MDGA2: variants seen among roughly 807,000 people sequenced by gnomAD.
MDGA2 encodes the protein MAM domain containing glycosylphosphatidylinositol anchor 2.
Under a neutral mutation model 117.8 loss-of-function variants are expected in MDGA2, and 40 were observed. That is an observed-to-expected ratio of 0.34 (90% confidence interval 0.26 to 0.44). MDGA2 has a LOEUF of 0.44. MDGA2 is among the 20% of genes least tolerant of loss of function. The probability of loss-of-function intolerance (pLI) is 1.00; values close to 1 mark genes in which losing one functional copy is unlikely to be tolerated. For missense variants in MDGA2, 1,123 were observed against 1,250.6 expected, an observed-to-expected ratio of 0.90 and a Z score of 1.54; for synonymous variants, 452 against 439.0, an observed-to-expected ratio of 1.03 and a Z score of -0.37.
At chr14:46,845,163 G>T (rs1880781354) in intron 16 of MDGA2, among the ~76,000 whole-genome samples, 1 of 152,148 alleles carries the variant, frequency 6.6e-6, no homozygotes, top group Admixed American at 6.5e-5. Context: ...GATTACAGGC[G>T]TGAGCCACCG....
intron 2 of MDGA2, among the ~76,000 whole-genome samples, chr14:47,244,115 C>G (rs1248724568): frequency 3.3e-5 from 5 of 151,712 alleles, no homozygotes; most frequent in Non-Finnish European, 7.4e-5. Flanking sequence ...ACAAACTTAC[C>G]TGTTTTGTTA....
At chr14:47,316,386 G>A (rs1052350021) in intron 1 of MDGA2, among the ~76,000 whole-genome samples, 2 of 151,954 alleles carry the variant, frequency 1.3e-5, no homozygotes, top group Admixed American at 1.3e-4. Context: ...TATGTATATT[G>A]CCCATGTAAA....
rs543946582 is a variant in MDGA2 at position 47,476,398 on chromosome 14, T to C, written c.281-174848A>G. 3.9e-5 allele frequency among the ~76,000 whole-genome samples: 6 copies of C among 152,066 alleles called. No individual in the cohort carries two copies. The East Asian group carries it at 1.2e-3, about 29-fold the overall frequency. On this transcript the variant is annotated intron_variant, in intron 1 of 16. Transcript: ENST00000399232. ...ACAACTTAGGTTTTTTTTTGTAAAA[T>C]AAAGATTGAGACAAAATAAGTGCTT...
Position 47,155,885 on chromosome 14 carries a change from CTTCTTTTTTTTTTTTTTTTTTTT to C in MDGA2, c.596-11634_596-11612del, listed in dbSNP as rs1447718776. On this transcript the variant is annotated intron_variant, in intron 3 of 16. Transcript: ENST00000399232. ...ACAATTCTTTTCTTTTCTTCTTCTT[CTTCTTTTTTTTTTTTTTTTTTTT>C]TTTTTTTTTTTTTTTTTTTTTTTGA... 4.5e-3 allele frequency among the ~76,000 whole-genome samples: 364 copies of C among 80,402 alleles called. 14 individuals are homozygous for C. Among genetic ancestry groups the C allele is most frequent in the African/African-American group, 0.013 (288 of 22,966 alleles). The allele number at this position is 80,402 out of a possible 152,430, so 52.7% of individuals were successfully genotyped here. A position where few individuals can be genotyped will look rare whatever the true frequency, so the allele number is the denominator to read the frequency against.
At chr14:47,541,725 A>G (rs1054802872) in intron 1 of MDGA2, among the ~76,000 whole-genome samples, 1 of 152,100 alleles carries the variant, frequency 6.6e-6, no homozygotes, top group Admixed American at 6.5e-5. Flanking sequence ...TTCATCTACA[A>G]TCTCTAATTT....
intron 5 of MDGA2, among the ~76,000 whole-genome samples, chr14:47,120,210 AT>A (rs961466368): frequency 3.9e-5 from 6 of 152,134 alleles, no homozygotes; most frequent in Non-Finnish European, 8.8e-5. Context: ...TGTCACACCT[AT>A]TTGTGCCCAA....
intron 1 of MDGA2, among the ~76,000 whole-genome samples, chr14:47,467,580 T>C (rs1409278310): frequency 6.6e-6 from 1 of 152,126 alleles, no homozygotes; most frequent in Non-Finnish European, 1.5e-5. Context: ...CAGCAGAATG[T>C]AGTGGGTACA....
At chr14:47,575,054 A>G (rs1463491781) in intron 1 of MDGA2, among the ~76,000 whole-genome samples, 1 of 152,086 alleles carries the variant, frequency 6.6e-6, no homozygotes, top group Non-Finnish European at 1.5e-5. Flanking sequence ...TATTTTTGGA[A>G]CACCCATGGC....
intron 10 of MDGA2, among the ~76,000 whole-genome samples, chr14:46,918,899 C>T (rs1409507803): frequency 6.6e-6 from 1 of 151,648 alleles, no homozygotes; most frequent in Non-Finnish European, 1.5e-5. Context: ...GTAGCTGGGA[C>T]TACAGGCGCC....
rs148352603 is a variant in MDGA2, at chr14:47,030,553, G to C, written c.1819+4458C>G. ...GAAAAAAGAAAGTTGTTTCAGTTTT[G>C]TTCAGTAAGCTCTATACATACTATG... On this transcript the variant is annotated intron_variant, in intron 8 of 16. Coordinates refer to ENST00000399232, the MANE Select transcript of MDGA2 (RefSeq NM_001113498.3). 6.0e-3 allele frequency among the ~76,000 whole-genome samples: 905 copies of C among 152,036 alleles called. 32 individuals are homozygous for C. The highest frequency in any genetic ancestry group is 0.055 in the Admixed American group (841 of 15,246).
chr14:47,579,536 A>C (rs907115065), intron 1 of MDGA2, among the ~76,000 whole-genome samples: 7 of 152,106 alleles, frequency 4.6e-5, no homozygotes, highest in Non-Finnish European at 7.4e-5. Context: ...AGGAATGATG[A>C]AACAGCAATG....
chr14:46,924,589 A>C (rs1884255329), intron 9 of MDGA2, among the ~76,000 whole-genome samples: 1 of 152,104 alleles, frequency 6.6e-6, no homozygotes, highest in African/African-American at 2.4e-5. Flanking sequence ...TAAAACAGAC[A>C]ATACATAGCT....
chr14:47,507,864 C>T (rs1261719202), intron 1 of MDGA2, among the ~76,000 whole-genome samples: 1 of 152,138 alleles, frequency 6.6e-6, no homozygotes, highest in Non-Finnish European at 1.5e-5. Context: ...ACTCTTTATA[C>T]TCTGCTGCAA....
At chr14:47,471,587 T>C (rs988817110) in intron 1 of MDGA2, among the ~76,000 whole-genome samples, 4 of 152,106 alleles carry the variant, frequency 2.6e-5, no homozygotes, top group African/African-American at 9.6e-5. Context: ...TTTAAAAACA[T>C]CTAGTTTTGC....
intron 1 of MDGA2, among the ~76,000 whole-genome samples, chr14:47,590,215 C>T (rs1454424307): frequency 2.0e-5 from 3 of 151,816 alleles, no homozygotes; most frequent in Admixed American, 6.6e-5. Flanking sequence ...TCTAGCCACA[C>T]CCTACAGTAT....
chr14:47,221,518 C>G (rs1400066560), intron 2 of MDGA2, among the ~76,000 whole-genome samples: 1 of 151,948 alleles, frequency 6.6e-6, no homozygotes, highest in Non-Finnish European at 1.5e-5. Flanking sequence ...GAAACCCTGT[C>G]TCTACTAAAA....
intron 3 of MDGA2, among the ~76,000 whole-genome samples, chr14:47,179,344 T>C (rs1206331035): frequency 3.3e-5 from 5 of 152,082 alleles, no homozygotes; most frequent in Non-Finnish European, 7.4e-5. Context: ...CTTCTATTTA[T>C]ATTTACACTA....
intron 2 of MDGA2, among the ~76,000 whole-genome samples, chr14:47,268,600 A>G (rs1888042589): frequency 6.6e-6 from 1 of 152,122 alleles, no homozygotes; most frequent in African/African-American, 2.4e-5. Flanking sequence ...TAAACTCTCC[A>G]TTTCTGAAAA....
At chr14:47,096,787 A>G (rs2138975902) in intron 6 of MDGA2, 67 bp downstream of exon 6, 1 of 1,486,412 alleles carries the variant, frequency 6.7e-7, no homozygotes, top group Non-Finnish European at 9.3e-7. Flanking sequence ...TTTTATATCA[A>G]CCATTATTTG....
Sources: gnomAD v4.1 joint callset for allele counts (sites outside exome capture counted in the v4.1 genomes callset) on GRCh38, gnomAD v4.1.1 for gene constraint, MANE v1.5 for transcripts, NCBI Gene and HGNC (gene_info 2026-07-23, HGNC 2026-07-21) for gene names.